Variants in DIPK1C observed in about 807,000 individuals in gnomAD.
DIPK1C encodes the protein familial non-conventional Alzheimer's dementia.
A neutral mutation model predicts 28.0 loss-of-function variants in DIPK1C; 33 were observed. The ratio of observed to expected loss-of-function variants is 1.18; its 90% confidence interval spans 0.89 to 1.58. The LOEUF (loss-of-function observed/expected upper bound fraction) is 1.58. DIPK1C is among the 40% of genes most tolerant of loss of function. The probability of loss-of-function intolerance (pLI) is 0.00; values close to 1 mark genes in which losing one functional copy is unlikely to be tolerated. For missense variants in DIPK1C, 569 were observed against 568.5 expected (o/e 1.00, Z -0.01); for synonymous variants, 255 against 248.8 (o/e 1.02, Z -0.23).
At chr18:74,451,520 G>A (rs1986398160) in intron 1 of DIPK1C, among the ~76,000 whole-genome samples, 1 of 152,244 alleles carries the variant, frequency 6.6e-6, no homozygotes, top group East Asian at 1.9e-4. Flanking sequence ...AAATCTATAC[G>A]AGATTTGCCC....
chr18:74,446,256 T>A (rs1415765410), intron 2 of DIPK1C, among the ~76,000 whole-genome samples: 2 of 152,196 alleles, frequency 1.3e-5, no homozygotes, highest in African/African-American at 2.4e-5. Flanking sequence ...TCCTGCGGAC[T>A]GTTTTCCGCA....
intron 1 of DIPK1C, among the ~76,000 whole-genome samples, chr18:74,451,306 T>G (rs1017570853): frequency 6.6e-6 from 1 of 152,178 alleles, no homozygotes. Flanking sequence ...AATGCCGTTT[T>G]GGGTGTCTCC....
chr18:74,454,534 G>A (rs575495026), intron 1 of DIPK1C, among the ~76,000 whole-genome samples: 2 of 152,236 alleles, frequency 1.3e-5, no homozygotes, highest in Non-Finnish European at 2.9e-5. Flanking sequence ...CAGCTCAGCT[G>A]GCAAAGTGGT....
At chr18:74,448,081 C>A (rs143828245) in intron 1 of DIPK1C, among the ~76,000 whole-genome samples, 1 of 152,166 alleles carries the variant, frequency 6.6e-6, no homozygotes, top group Non-Finnish European at 1.5e-5. Context: ...GCGACCTTCC[C>A]CACCACACCA....
chr18:74,457,426 G>A (rs2144535296), upstream of DIPK1C, among the ~76,000 whole-genome samples: 1 of 151,674 alleles, frequency 6.6e-6, no homozygotes, highest in African/African-American at 2.4e-5. Context: ...CGGGGAGGGC[G>A]TCCAGCAGCA....
rs752333902 is a variant in DIPK1C at position 74,455,628 on chromosome 18, T to C, written c.198+1434A>G. Among the ~76,000 whole-genome samples the C allele has an allele frequency of 1.3e-4, 19 of 147,402 alleles. 1 individual carries two copies. Among genetic ancestry groups the C allele is most frequent in the Non-Finnish European group, 5.9e-5 (4 of 67,454 alleles). ...CAACATGGACAAACCACCATCTCTA[T>C]TAAAAATACAAAATTAGCCAGGCAT... On this transcript the variant is annotated intron_variant, in intron 1 of 3. Transcript: ENST00000343998.
upstream of DIPK1C, among the ~76,000 whole-genome samples, chr18:74,459,901 G>C (rs1339498162): frequency 6.6e-6 from 1 of 152,212 alleles, no homozygotes; most frequent in Admixed American, 6.5e-5. Context: ...CGCCAGCCCA[G>C]GGTGGGCTCC....
rs1365453449 is a variant in DIPK1C, at chr18:74,436,490, C to T, written c.*11G>A. 7 of 1,585,208 alleles carry T rather than the reference C, an allele frequency of 4.4e-6. No homozygotes were observed. Among genetic ancestry groups the T allele is most frequent in the Non-Finnish European group, 6.0e-6 (7 of 1,166,090 alleles). On this transcript the variant is annotated 3_prime_UTR_variant, in exon 4 of 4. Coordinates refer to ENST00000343998, the MANE Select transcript of DIPK1C (RefSeq NM_001044369.3). The stretch of plus-strand genomic sequence containing the variant: ...TTTTCCTGTGTGAGCATGTTTAAGG[C>T]CAGAGAGTGGCTACTTCTCTGCCTC...
chr18:74,451,424 T>C (rs979374366), intron 1 of DIPK1C, among the ~76,000 whole-genome samples: 9 of 152,176 alleles, frequency 5.9e-5, no homozygotes, highest in Admixed American at 1.3e-4. Flanking sequence ...CCAGTGCTCA[T>C]TAAATCATGG....
At chr18:74,458,210 G>C (rs151196138), upstream of DIPK1C, among the ~76,000 whole-genome samples, 180 of 152,146 alleles carry the variant, frequency 1.2e-3, 3 homozygotes, top group East Asian at 0.032. Context: ...GGGGGAGGCG[G>C]CGCCACCCCA....
chr18:74,441,957 G>T lies in DIPK1C; in HGVS notation c.1036C>A (p.Leu346Met), dbSNP rs1409045601. 2.5e-6 allele frequency: 4 copies of T among 1,613,196 alleles called. No homozygotes were observed. In the East Asian group the frequency reaches 6.7e-5, roughly 27 times the overall value. ...GCCCTGGCGGACTCTCATACCTGCA[G>T]GTTGTTGTTTACGCGCTGCGCTCCG... ...KCGAQRVNNN[L>M]QVICDKIFRH... The change falls in exon 3 of 4, where the codon CTG becomes ATG. Residue 346 changes from leucine (L) to methionine (M), a missense_variant. Transcript: ENST00000343998.
At chr18:74,461,665 G>T (rs533821425), upstream of DIPK1C, among the ~76,000 whole-genome samples, 10 of 151,878 alleles carry the variant, frequency 6.6e-5, no homozygotes, top group Non-Finnish European at 1.3e-4. Context: ...CACTGTGCCT[G>T]GCCCATGCCT....
chr18:74,441,101 G>C (rs1599035515), intron 3 of DIPK1C, among the ~76,000 whole-genome samples: 1 of 152,156 alleles, frequency 6.6e-6, no homozygotes, highest in Non-Finnish European at 1.5e-5. Flanking sequence ...CCCCTCTCCT[G>C]CTCCCACCTT....
intron 1 of DIPK1C, among the ~76,000 whole-genome samples, chr18:74,449,711 A>G (rs150816734): frequency 1.4e-4 from 21 of 152,228 alleles, no homozygotes; most frequent in African/African-American, 2.9e-4. Context: ...AGCTAGTGAC[A>G]CCACCCTATT....
At chr18:74,454,124 A>G (rs183731479) in intron 1 of DIPK1C, among the ~76,000 whole-genome samples, 13 of 152,292 alleles carry the variant, frequency 8.5e-5, no homozygotes, top group African/African-American at 3.1e-4. Context: ...GAGTGCACCT[A>G]TTTCTTGATT....
At chr18:74,451,002 C>T (rs1445697977) in intron 1 of DIPK1C, among the ~76,000 whole-genome samples, 5 of 152,142 alleles carry the variant, frequency 3.3e-5, no homozygotes, top group Non-Finnish European at 5.9e-5. Flanking sequence ...ACACAGTGCC[C>T]GGCCTAAGGT....
In DIPK1C at chr18:74,436,526, C is replaced by T. The variant is rs1045908072; in HGVS notation, c.1235G>A (p.Arg412Lys). 3 of 1,607,696 alleles carry T rather than the reference C, an allele frequency of 1.9e-6. No individual in the cohort carries two copies. In the African/African-American group the frequency reaches 4.0e-5, roughly 21 times the overall value. Residue 412 changes from arginine to lysine, a missense_variant, in exon 4 of 4, where the codon AGG becomes AAG. Transcript: ENST00000343998. Reference protein sequence around the residue: ...KLRQLLQATLRELQEAEK With the variant: ...KLRQLLQATLKELQEAEK ...CTACTTCTCTGCCTCCTGCAGCTCC[C>T]TCAGTGTGGCTTGGAGGAGTTGGCG...
At chr18:74,461,055 CT>C (rs1351187196), upstream of DIPK1C, among the ~76,000 whole-genome samples, 1 of 152,228 alleles carries the variant, frequency 6.6e-6, no homozygotes, top group Non-Finnish European at 1.5e-5. Context: ...CGGGTGAGGT[CT>C]TGCACTCCAA....
At chr18:74,436,951 G>A (rs1213396566) in intron 3 of DIPK1C, among the ~76,000 whole-genome samples, 2 of 151,980 alleles carry the variant, frequency 1.3e-5, no homozygotes, top group African/African-American at 4.8e-5. Flanking sequence ...GCCAACATCT[G>A]TGTGAGGCAG....
Sources: gnomAD v4.1 joint callset for allele counts (sites outside exome capture counted in the v4.1 genomes callset) on GRCh38, gnomAD v4.1.1 for gene constraint, MANE v1.5 for transcripts, NCBI Gene and HGNC (gene_info 2026-07-23, HGNC 2026-07-21) for gene names.